COG6: variants seen among roughly 807,000 people sequenced by gnomAD.
COG6 encodes conserved oligomeric Golgi complex subunit 6.
COG6 carries 74 observed loss-of-function variants against 88.8 expected under a neutral mutation model. The observed-to-expected ratio is 0.83, with a 90% CI of 0.69 to 1.01. The LOEUF (loss-of-function observed/expected upper bound fraction) is 1.01, where lower values mean the gene tolerates loss of function less well. Among genes scored for constraint, COG6 ranks in the 50% least tolerant of loss-of-function variants. The pLI is 0.00. For missense variants in COG6, 800 were observed against 797.9 expected (o/e 1.00, Z -0.03); for synonymous variants, 286 against 278.7 (o/e 1.03, Z -0.26).
chr13:39,699,340 CT>C (rs960707578), intron 12 of COG6, among the ~76,000 whole-genome samples, 160 bp from the exon 13 acceptor site: 2 of 151,604 alleles, frequency 1.3e-5, no homozygotes, highest in African/African-American at 4.8e-5. Context: ...AACAAAAATC[CT>C]GATTTTTAAA....
In COG6 at chr13:39,699,576, C is replaced by A; in HGVS notation, c.1242C>A (p.Phe414Leu). ...TGCATTTGCTAAGCAAAAAAATATTCTTCAATAGCTTGAGTCTTCATGCAA... is the reference window on the plus strand; with the variant it reads ...TGCATTTGCTAAGCAAAAAAATATTATTCAATAGCTTGAGTCTTCATGCAA... ...EEMHLLSKKI[F>L]FNSLSLHASK... is the part of the protein sequence containing the mutation. The change falls in exon 13 of 19, where the codon TTC becomes TTA. Residue 414 changes from phenylalanine (F) to leucine (L), a missense_variant. By Grantham distance (22) the Phe-to-Leu change is conservative (BLOSUM62 0). Transcript: ENST00000455146. 6.4e-7 allele frequency: 1 copy of A among 1,572,914 alleles called. No homozygotes were observed. The highest frequency in any genetic ancestry group is 1.1e-5 in the South Asian group (1 of 90,148).
intron 12 of COG6, among the ~76,000 whole-genome samples, chr13:39,697,468 G>A (rs1421358365): frequency 1.3e-5 from 2 of 151,904 alleles, no homozygotes; most frequent in Non-Finnish European, 2.9e-5. Context: ...AGGAAACAGG[G>A]ACTCGAGCAT....
At chr13:39,688,924 T>C (rs1876822253) in intron 10 of COG6, among the ~76,000 whole-genome samples, 1 of 152,162 alleles carries the variant, frequency 6.6e-6, no homozygotes, top group African/African-American at 2.4e-5. Context: ...CAGCCACACA[T>C]CTCTGTGGTT....
intron 5 of COG6, 172 bp from the exon 6 acceptor site, chr13:39,679,366 A>G (rs1876169845): frequency 1.6e-6 from 1 of 619,400 alleles, no homozygotes; most frequent in African/African-American, 1.9e-5. Flanking sequence ...TAAAATGTGA[A>G]TAAATACCAG....
chr13:39,751,783 T>C lies in COG6; in HGVS notation c.*690T>C. The C allele has an allele frequency of 7.8e-7, 1 of 1,287,198 alleles. No individual in the cohort carries two copies. The highest frequency in any genetic ancestry group is 1.2e-5 in the South Asian group (1 of 80,938). 79.7% of individuals were successfully genotyped at this position (1,287,198 alleles called of 1,614,324 possible). ...GAAAAGTGATTTAAACAGGGTGGATTCCACTCTGTGGGAGCCTTCGATGGA... is the reference window on the plus strand; with the variant it reads ...GAAAAGTGATTTAAACAGGGTGGATCCCACTCTGTGGGAGCCTTCGATGGA... On this transcript the variant is annotated 3_prime_UTR_variant, in exon 19 of 19. Transcript: ENST00000455146.
chr13:39,761,011 A>G (rs1283193339), intron 18 of COG6, among the ~76,000 whole-genome samples: 1 of 151,722 alleles, frequency 6.6e-6, no homozygotes, highest in Non-Finnish European at 1.5e-5. Context: ...TAGCAATGTA[A>G]ATTTGTCAGT....
At chr13:39,765,468 A>G (rs976495705) in intron 18 of COG6, among the ~76,000 whole-genome samples, 7 of 152,228 alleles carry the variant, frequency 4.6e-5, no homozygotes, top group African/African-American at 1.7e-4. Context: ...AGATCTAGAT[A>G]TCTCATATAC....
intron 2 of COG6, among the ~76,000 whole-genome samples, chr13:39,660,354 C>T (rs1874820499): frequency 6.6e-6 from 1 of 152,132 alleles, no homozygotes; most frequent in African/African-American, 2.4e-5. Context: ...TGCCACCATG[C>T]CTGGCTCTTT....
chr13:39,782,091 A>G (rs998927584), intron 18 of COG6, among the ~76,000 whole-genome samples: 1 of 152,214 alleles, frequency 6.6e-6, no homozygotes, highest in Non-Finnish European at 1.5e-5. Context: ...AGAACAAGCA[A>G]CCACACATAT....
At chr13:39,687,017 C>G (rs1876688209) in intron 8 of COG6, among the ~76,000 whole-genome samples, 1 of 152,120 alleles carries the variant, frequency 6.6e-6, no homozygotes. Context: ...GTGTGAACCA[C>G]CGCACCCAGC....
intron 18 of COG6, among the ~76,000 whole-genome samples, chr13:39,745,798 G>T (rs956551806): frequency 7.9e-5 from 12 of 152,196 alleles, no homozygotes; most frequent in African/African-American, 2.9e-4. Flanking sequence ...GTTTATTGAG[G>T]CACTATTCAC....
chr13:39,694,292 G>A (rs1367358044), intron 11 of COG6, among the ~76,000 whole-genome samples: 1 of 151,484 alleles, frequency 6.6e-6, no homozygotes, highest in Non-Finnish European at 1.5e-5. Context: ...ATCTGTTTTA[G>A]GGATGTAACA....
At chr13:39,663,000 AATT>A (rs2137950478) in intron 3 of COG6, among the ~76,000 whole-genome samples, 1 of 151,980 alleles carries the variant, frequency 6.6e-6, no homozygotes, top group East Asian at 1.9e-4. Flanking sequence ...ACCTTTTAGA[AATT>A]ATTAGAAAAC....
At chr13:39,753,650 A>G (rs1880738976), downstream of COG6, among the ~76,000 whole-genome samples, 1 of 151,890 alleles carries the variant, frequency 6.6e-6, no homozygotes, top group South Asian at 2.1e-4. Flanking sequence ...CTCTCTTTCT[A>G]TGACAGGATA....
chr13:39,707,932 G>A (rs1593440639), intron 13 of COG6, among the ~76,000 whole-genome samples: 1 of 152,170 alleles, frequency 6.6e-6, no homozygotes, highest in Non-Finnish European at 1.5e-5. Context: ...TGGATTATAA[G>A]ATTGATTAGC....
intron 18 of COG6, among the ~76,000 whole-genome samples, chr13:39,742,132 C>T (rs537199292): frequency 6.6e-6 from 1 of 152,174 alleles, no homozygotes; most frequent in African/African-American, 2.4e-5. Context: ...ACAGCCGGTA[C>T]CAGCCACTGC....
intron 18 of COG6, among the ~76,000 whole-genome samples, chr13:39,781,861 A>G (rs1006540847): frequency 6.6e-6 from 1 of 152,240 alleles, no homozygotes; most frequent in Non-Finnish European, 1.5e-5. Flanking sequence ...AAATAATCTA[A>G]CAAATGATTT....
intron 5 of COG6, among the ~76,000 whole-genome samples, chr13:39,678,721 G>A (rs1442958715): frequency 2.0e-5 from 3 of 152,082 alleles, no homozygotes; most frequent in Non-Finnish European, 4.4e-5. Context: ...CTCACTGAGT[G>A]TCTCTGAGTA....
intron 18 of COG6, among the ~76,000 whole-genome samples, chr13:39,759,454 G>T (rs1358151384): frequency 3.9e-5 from 6 of 152,054 alleles, no homozygotes; most frequent in Non-Finnish European, 7.4e-5. Context: ...TAAGTAAAAT[G>T]CAGAGTCATA....
Sources: allele counts gnomAD v4.1 joint callset (sites outside exome capture counted in the v4.1 genomes callset), GRCh38; gene constraint gnomAD v4.1.1; transcripts MANE v1.5; gene names NCBI Gene and HGNC (gene_info 2026-07-23, HGNC 2026-07-21).